Variants in LMO7 observed in about 807,000 individuals in gnomAD.
LMO7 encodes LIM domain 7.
In LMO7, 120 loss-of-function variants were observed where a neutral mutation model predicts 206.5. That is an observed-to-expected ratio of 0.58 (90% confidence interval 0.50 to 0.68). The LOEUF is 0.68. Ranked by LOEUF, LMO7 falls within the 30% of genes least tolerant of loss-of-function variation. The pLI is 0.00. For synonymous variants in LMO7, 706 were observed against 681.5 expected, an observed-to-expected ratio of 1.04 and a Z score of -0.56; for missense variants, 1,959 against 1,957.9, an observed-to-expected ratio of 1.00 and a Z score of -0.01.
At chr13:75,674,954 A>T (rs1367328492) in intron 1 of LMO7, among the ~76,000 whole-genome samples, 1 of 152,242 alleles carries the variant, frequency 6.6e-6, no homozygotes, top group Non-Finnish European at 1.5e-5. Context: ...TCTGCCAGCA[A>T]ATAGCTTGTA....
chr13:75,737,861 A>AAAAC, intron 3 of LMO7, among the ~76,000 whole-genome samples: 1 of 147,330 alleles, frequency 6.8e-6, no homozygotes, highest in African/African-American at 2.5e-5. Context: ...AAAAAAAAAA[A>AAAAC]AAACACAGTA....
At chr13:75,800,162 TG>T (rs956350105) in intron 6 of LMO7, among the ~76,000 whole-genome samples, 1 of 152,202 alleles carries the variant, frequency 6.6e-6, no homozygotes, top group Non-Finnish European at 1.5e-5. Flanking sequence ...TTTATTTTTC[TG>T]GGGGGAGAGT....
chr13:75,840,915 C>G (rs2059511173), intron 22 of LMO7, among the ~76,000 whole-genome samples, 194 bp from the exon 23 acceptor site: 1 of 152,132 alleles, frequency 6.6e-6, no homozygotes, highest in Non-Finnish European at 1.5e-5. Flanking sequence ...CTTTTTACCC[C>G]AGTGCCTGCA....
At chr13:75,812,896 C>T (rs943560348) in intron 11 of LMO7, among the ~76,000 whole-genome samples, 13 of 152,190 alleles carry the variant, frequency 8.5e-5, no homozygotes, top group Non-Finnish European at 1.5e-4. Flanking sequence ...CTTCATTCAA[C>T]ACAACATACT....
chr13:75,783,411 C>T lies in LMO7; in HGVS notation c.318-11990C>T, dbSNP rs991260325. 5.3e-5 allele frequency among the ~76,000 whole-genome samples: 8 copies of T among 152,234 alleles called. No homozygotes were observed. The East Asian group carries it at 1.2e-3, about 22-fold the overall frequency. ...GATTTTGGCTCACTGCAAACTCCTG[C>T]CTCCTGGGTTCAATTGATCCTCCCA... is the stretch of plus-strand genomic sequence containing the variant. On this transcript the variant is annotated intron_variant, in intron 4 of 30. Coordinates refer to ENST00000377534, the MANE Select transcript of LMO7 (RefSeq NM_001306080.2).
At chr13:75,707,693 G>A (rs1307586359) in intron 1 of LMO7, among the ~76,000 whole-genome samples, 3 of 151,916 alleles carry the variant, frequency 2.0e-5, no homozygotes, top group African/African-American at 7.3e-5. Flanking sequence ...AGATTGCCAC[G>A]TCTTCAAAAT....
chr13:75,800,357 A>G (rs1449071224), intron 6 of LMO7, among the ~76,000 whole-genome samples: 6 of 152,182 alleles, frequency 3.9e-5, no homozygotes, highest in African/African-American at 9.7e-5. Flanking sequence ...TAGCATTTCA[A>G]TGTTACTCTA....
chr13:75,753,810 A>T (rs2047463302), intron 3 of LMO7, among the ~76,000 whole-genome samples: 1 of 152,170 alleles, frequency 6.6e-6, no homozygotes, highest in Non-Finnish European at 1.5e-5. Flanking sequence ...TTTCTTATAA[A>T]TTACCCAGTC....
At position 75,800,709 on chromosome 13, in the gene LMO7, AAAG is replaced by A. The variant is rs1566486971; in HGVS notation, c.492_494del (p.Arg164del). ...GCACTCGAAGACTCCAGCTTCCTGAAAAGAAGTGGCAGGGACAGTGGCTACGGT... is the reference window on the plus strand; with the variant it reads ...GCACTCGAAGACTCCAGCTTCCTGAAAAGTGGCAGGGACAGTGGCTACGGT... On this transcript the variant is annotated inframe_deletion, in exon 7 of 31. Transcript: ENST00000377534. 3 of 1,614,088 alleles carry A rather than the reference AAAG, an allele frequency of 1.9e-6. No individual in the cohort carries two copies. Among genetic ancestry groups the A allele is most frequent in the Middle Eastern group, 1.6e-4 (1 of 6,062 alleles).
intron 1 of LMO7, among the ~76,000 whole-genome samples, chr13:75,685,211 T>A (rs1415223084): frequency 2.0e-5 from 3 of 152,204 alleles, no homozygotes; most frequent in African/African-American, 7.2e-5. Context: ...TTGATTTCAT[T>A]TTGCATAGCA....
At chr13:75,632,870 T>TTTTTC (rs1242760230), upstream of LMO7, among the ~76,000 whole-genome samples, 1 of 138,590 alleles carries the variant, frequency 7.2e-6, no homozygotes, top group Non-Finnish European at 1.6e-5. Context: ...AAGTTTTTTT[T>TTTTTC]TTTTTTTTGT....
In LMO7 at chr13:75,840,088, G is replaced by T. The variant is rs746986716; in HGVS notation, c.3455G>T (p.Ser1152Ile). ...TTGCCCATGTGCTGCAACACAGGAA[G>T]CTCTGATTCGGTGGTTCCTGATGTA... ...KRRSQFFEQG[S>I]SDSVVPDLPV... Residue 1152 changes from serine (S) to isoleucine (I), a missense_variant, in exon 21 of 31, where the codon AGC (serine) becomes ATC (isoleucine). Physicochemically the swap from Ser to Ile is moderately radical, Grantham distance 142. Coordinates refer to ENST00000377534, the MANE Select transcript of LMO7 (RefSeq NM_001306080.2). 4 of 1,613,810 alleles carry T rather than the reference G, an allele frequency of 2.5e-6. No homozygotes were observed. The East Asian group carries it at 8.9e-5, about 36-fold the overall frequency.
intron 1 of LMO7, among the ~76,000 whole-genome samples, chr13:75,710,129 G>T (rs577721919): frequency 6.6e-6 from 1 of 152,106 alleles, no homozygotes; most frequent in Non-Finnish European, 1.5e-5. Context: ...CATTATTTCT[G>T]AGGGCTCTGT....
intron 3 of LMO7, among the ~76,000 whole-genome samples, chr13:75,749,791 G>A (rs549458846): frequency 6.7e-6 from 1 of 149,258 alleles, no homozygotes; most frequent in African/African-American, 2.4e-5. Flanking sequence ...CTTGTCCTTA[G>A]TTCCTTTGTT....
At chr13:75,808,343 GA>G in intron 10 of LMO7, 144 bp downstream of exon 10, 1 of 973,106 alleles carries the variant, frequency 1.0e-6, no homozygotes, top group South Asian at 1.8e-5. Flanking sequence ...AATTTGCTTT[GA>G]AAAACCCTCA....
At chr13:75,764,503 A>G (rs1332506769) in intron 4 of LMO7, among the ~76,000 whole-genome samples, 2 of 152,128 alleles carry the variant, frequency 1.3e-5, no homozygotes, top group Non-Finnish European at 2.9e-5. Context: ...TCTGGTCATT[A>G]GGAGAGGTAC....
intron 3 of LMO7, among the ~76,000 whole-genome samples, chr13:75,732,063 T>C (rs2045298163): frequency 6.6e-6 from 1 of 152,190 alleles, no homozygotes; most frequent in East Asian, 1.9e-4. Flanking sequence ...TAACATTTTT[T>C]CCTTCATTTC....
chr13:75,805,323 A>G, intron 8 of LMO7, 156 bp from the exon 9 acceptor site: 5 of 950,938 alleles, frequency 5.3e-6, no homozygotes, highest in Non-Finnish European at 7.6e-6. Flanking sequence ...ATGCTGTTAT[A>G]ATAACTTTGT....
At chr13:75,657,987 T>C (rs9593112) in intron 1 of LMO7, among the ~76,000 whole-genome samples, 35,022 of 152,086 alleles carry the variant, frequency 0.23, 4,490 homozygotes, top group Admixed American at 0.36. Context: ...CACATTTGGG[T>C]AGCCAGTTAA....
Sources: gnomAD v4.1 joint callset for allele counts (sites outside exome capture counted in the v4.1 genomes callset) on GRCh38, gnomAD v4.1.1 for gene constraint, MANE v1.5 for transcripts, NCBI Gene and HGNC (gene_info 2026-07-23, HGNC 2026-07-21) for gene names.